The following RAB38 variants were observed in gnomAD, a reference collection of about 807,000 sequenced individuals.
RAB38 encodes the protein ras-related protein Rab-38.
In RAB38, 15 loss-of-function variants were observed where a neutral mutation model predicts 18.4. That is an observed-to-expected ratio of 0.82 (90% CI 0.55 to 1.26). The LOEUF (loss-of-function observed/expected upper bound fraction) is 1.26. RAB38 is among the 50% of genes most tolerant of loss of function. The probability of loss-of-function intolerance (pLI) is 0.00; values close to 1 mark genes in which losing one functional copy is unlikely to be tolerated. For missense variants in RAB38, 294 were observed against 267.4 expected (o/e 1.10, Z -0.69); for synonymous variants, 101 against 104.4 (o/e 0.97, Z 0.20).
At chr11:87,902,755 G>A in the RAB38 span, among the ~76,000 whole-genome samples, 1 of 151,044 alleles carries the variant, frequency 6.6e-6, no homozygotes, top group Non-Finnish European at 1.5e-5. Context: ...TTATGTCTAA[G>A]CGTTTTGCAT....
At chr11:87,922,492 G>C in the RAB38 span, among the ~76,000 whole-genome samples, 1 of 151,674 alleles carries the variant, frequency 6.6e-6, no homozygotes, top group African/African-American at 2.4e-5. Context: ...TTAAGACAGG[G>C]CAATGCTTAA....
the RAB38 span, among the ~76,000 whole-genome samples, chr11:87,940,179 A>G: frequency 2.4e-4 from 37 of 151,040 alleles, no homozygotes; most frequent in East Asian, 2.3e-3. Flanking sequence ...AAAAAAAAAA[A>G]AGAGAGAGAG....
At chr11:88,095,237 C>T in the RAB38 span, among the ~76,000 whole-genome samples, 75 of 152,066 alleles carry the variant, frequency 4.9e-4, no homozygotes, top group Middle Eastern at 3.4e-3. Flanking sequence ...CCATTCCTGA[C>T]ATAATCCCAT....
the RAB38 span, among the ~76,000 whole-genome samples, chr11:87,884,223 C>A: frequency 3.3e-5 from 5 of 151,930 alleles, no homozygotes; most frequent in African/African-American, 1.2e-4. Flanking sequence ...GAATTAACAT[C>A]TGATGACATT....
chr11:87,862,536 A>G, the RAB38 span, among the ~76,000 whole-genome samples: 1 of 151,786 alleles, frequency 6.6e-6, no homozygotes, highest in Non-Finnish European at 1.5e-5. Flanking sequence ...GAGGGAGAGG[A>G]TCAGGAAAAA....
the RAB38 span, among the ~76,000 whole-genome samples, chr11:87,809,627 C>T: frequency 6.6e-6 from 1 of 151,808 alleles, no homozygotes; most frequent in African/African-American, 2.4e-5. Flanking sequence ...ATCTCAAAGA[C>T]AGTAGTTCTA....
the RAB38 span, among the ~76,000 whole-genome samples, chr11:87,805,697 A>C: frequency 1.3e-5 from 2 of 152,086 alleles, no homozygotes; most frequent in African/African-American, 2.4e-5. Flanking sequence ...ATACATATAC[A>C]CATACATATA....
chr11:88,044,754 A>AC, the RAB38 span, among the ~76,000 whole-genome samples: 2 of 151,554 alleles, frequency 1.3e-5, no homozygotes, highest in Non-Finnish European at 2.9e-5. Flanking sequence ...CTCAGTCCCA[A>AC]CCCCAAGTGT....
chr11:87,827,285 TTTTTA>T, the RAB38 span, among the ~76,000 whole-genome samples: 30 of 152,052 alleles, frequency 2.0e-4, no homozygotes, highest in East Asian at 5.6e-3. Flanking sequence ...TTTATTTTTA[TTTTTA>T]TTATTTTTTT....
the RAB38 span, among the ~76,000 whole-genome samples, chr11:88,028,335 A>G: frequency 1.3e-5 from 2 of 152,196 alleles, no homozygotes; most frequent in African/African-American, 4.8e-5. Flanking sequence ...TCCTCCTCCA[A>G]AGGAATGCAG....
chr11:88,015,365 A>G, the RAB38 span, among the ~76,000 whole-genome samples: 1 of 152,240 alleles, frequency 6.6e-6, no homozygotes, highest in East Asian at 1.9e-4. Context: ...CAGATTGTTT[A>G]CTTTTAGTCT....
the RAB38 span, among the ~76,000 whole-genome samples, chr11:87,949,563 G>C: frequency 2.0e-5 from 3 of 152,306 alleles, no homozygotes; most frequent in East Asian, 5.8e-4. Flanking sequence ...TGCTTTGAAT[G>C]TGTCCCAGAG....
chr11:87,930,405 T>C, the RAB38 span, among the ~76,000 whole-genome samples: 360 of 151,648 alleles, frequency 2.4e-3, 1 homozygote, highest in Non-Finnish European at 4.2e-3. Context: ...CACTGGTTGA[T>C]GGGGTTGTTT....
the RAB38 span, among the ~76,000 whole-genome samples, chr11:88,007,393 C>T: frequency 6.6e-6 from 1 of 150,972 alleles, no homozygotes; most frequent in Non-Finnish European, 1.5e-5. Context: ...AATTTGTATC[C>T]TAAATAGCTA....
the RAB38 span, among the ~76,000 whole-genome samples, chr11:87,945,380 G>GA: frequency 5.3e-4 from 81 of 152,112 alleles, no homozygotes; most frequent in African/African-American, 1.7e-3. Context: ...CTGCAAATGG[G>GA]AAAAAGGGAT....
chr11:87,954,116 G>C, the RAB38 span, among the ~76,000 whole-genome samples: 6 of 152,128 alleles, frequency 3.9e-5, no homozygotes, highest in Non-Finnish European at 1.5e-5. Flanking sequence ...AGATACATAA[G>C]AACATCCAAT....
chr11:88,142,754 C>T (rs1942931964), intron 2 of RAB38, among the ~76,000 whole-genome samples: 1 of 152,188 alleles, frequency 6.6e-6, no homozygotes, highest in Admixed American at 6.5e-5. Flanking sequence ...TAATCCCATA[C>T]AGCGTGACCA....
chr11:88,135,682 T>C (rs1160586812), intron 2 of RAB38, among the ~76,000 whole-genome samples: 1 of 152,228 alleles, frequency 6.6e-6, no homozygotes, highest in Non-Finnish European at 1.5e-5. Flanking sequence ...TATTACCAGA[T>C]GAAATAGAAT....
chr11:88,098,884 C>T, the RAB38 span, among the ~76,000 whole-genome samples: 1 of 151,884 alleles, frequency 6.6e-6, no homozygotes, highest in Non-Finnish European at 1.5e-5. Flanking sequence ...AAAAATAGCC[C>T]ATTTTCATTT....
Sources: gnomAD v4.1 joint callset for allele counts (sites outside exome capture counted in the v4.1 genomes callset) on GRCh38, gnomAD v4.1.1 for gene constraint, MANE v1.5 for transcripts, NCBI Gene and HGNC (gene_info 2026-07-23, HGNC 2026-07-21) for gene names.